Variants in ESR1 observed in about 807,000 individuals in gnomAD.
The protein encoded by ESR1 is estrogen receptor.
ESR1 carries 12 observed loss-of-function variants against 52.7 expected under a neutral mutation model. That is an observed-to-expected ratio of 0.23 (90% confidence interval 0.15 to 0.37). ESR1 has a LOEUF of 0.37. Among genes scored for constraint, ESR1 ranks in the 10% least tolerant of loss-of-function variants. ESR1 has a pLI of 1.00. For synonymous variants in ESR1, 305 were observed against 316.8 expected, an observed-to-expected ratio of 0.96 and a Z score of 0.39; for missense variants, 584 against 779.7, an observed-to-expected ratio of 0.75 and a Z score of 2.99.
chr6:151,875,444 T>C (rs1279357566), intron 2 of ESR1, among the ~76,000 whole-genome samples: 1 of 152,204 alleles, frequency 6.6e-6, no homozygotes, highest in Admixed American at 6.5e-5. Context: ...TGTTCAGATA[T>C]TGGATACTTG....
At chr6:151,672,028 T>C (rs965857023) in intron 1 of ESR1, among the ~76,000 whole-genome samples, 3 of 152,116 alleles carry the variant, frequency 2.0e-5, no homozygotes, top group African/African-American at 7.2e-5. Context: ...AGACAGGTTC[T>C]CCCTATGTTG....
chr6:151,917,003 G>A (rs1219980125), intron 3 of ESR1, among the ~76,000 whole-genome samples: 1 of 152,128 alleles, frequency 6.6e-6, no homozygotes, highest in Non-Finnish European at 1.5e-5. Flanking sequence ...TAGAATTGTT[G>A]TATGATGACT....
chr6:151,875,260 C>G (rs1014565100), intron 2 of ESR1, among the ~76,000 whole-genome samples: 2 of 152,126 alleles, frequency 1.3e-5, no homozygotes, highest in Non-Finnish European at 2.9e-5. Context: ...TAGAACCAAG[C>G]CTTGTTCTTG....
At chr6:151,670,454 G>C (rs936449025) in intron 1 of ESR1, among the ~76,000 whole-genome samples, 5 of 152,270 alleles carry the variant, frequency 3.3e-5, no homozygotes, top group African/African-American at 1.2e-4. Context: ...CCTCTTGCCT[G>C]GTCATCACAG....
rs1340123856 is a variant in ESR1 at position 152,053,206 on chromosome 6, C to T, written c.1236-7785C>T. Among the ~76,000 whole-genome samples, 2 of 152,038 alleles carry T rather than the reference C, an allele frequency of 1.3e-5. No homozygotes were observed. Among genetic ancestry groups the T allele is most frequent in the African/African-American group, 4.8e-5 (2 of 41,396 alleles). On this transcript the variant is annotated intron_variant, in intron 5 of 7. Coordinates refer to ENST00000206249, the MANE Select transcript of ESR1 (RefSeq NM_000125.4). The surrounding 1 kb of genome is among the most constrained non-coding windows in gnomAD (Gnocchi z 4.1). Reference sequence around the variant, plus strand: ...TCATTACTGTCTCCTTCCCTCCCTCCCTCAGTCCCTCCCTTAGTCTATCTC... The same window carrying T: ...TCATTACTGTCTCCTTCCCTCCCTCTCTCAGTCCCTCCCTTAGTCTATCTC...
At chr6:151,776,636 G>C (rs1786019965) in intron 2 of ESR1, among the ~76,000 whole-genome samples, 1 of 152,140 alleles carries the variant, frequency 6.6e-6, no homozygotes, top group South Asian at 2.1e-4. Context: ...TCAGGAGTTC[G>C]AGATCAGCCT....
intron 4 of ESR1, among the ~76,000 whole-genome samples, chr6:151,964,791 G>A (rs912924186): frequency 5.0e-4 from 76 of 151,996 alleles, no homozygotes; most frequent in Non-Finnish European, 5.2e-4. Context: ...ACAGGTGCCC[G>A]CCACCACGCC....
chr6:151,827,717 G>A (rs1349948575), intron 1 of ESR1, among the ~76,000 whole-genome samples: 1 of 152,122 alleles, frequency 6.6e-6, no homozygotes, highest in Admixed American at 6.5e-5. Flanking sequence ...AGTTTGTATT[G>A]ATTCGCACTT....
intron 2 of ESR1, among the ~76,000 whole-genome samples, chr6:151,767,143 G>A (rs1375102130): frequency 6.6e-6 from 1 of 151,936 alleles, no homozygotes; most frequent in Non-Finnish European, 1.5e-5. Context: ...TGTAGCAATT[G>A]CCCCAAATTC....
At chr6:151,985,905 G>A (rs1305201412) in intron 4 of ESR1, among the ~76,000 whole-genome samples, 2 of 152,086 alleles carry the variant, frequency 1.3e-5, no homozygotes, top group Non-Finnish European at 2.9e-5. Context: ...CTGACCTCAG[G>A]TGATCCACCT....
At chr6:151,918,468 C>T (rs1584220712) in intron 3 of ESR1, among the ~76,000 whole-genome samples, 3 of 152,150 alleles carry the variant, frequency 2.0e-5, no homozygotes, top group East Asian at 3.9e-4. Context: ...CCCCAAAGGA[C>T]TATAGTGTTA....
At chr6:151,800,909 G>A (rs1276349561), upstream of ESR1, among the ~76,000 whole-genome samples, 2 of 152,094 alleles carry the variant, frequency 1.3e-5, no homozygotes, top group Non-Finnish European at 2.9e-5. Context: ...GGAAGGTGCC[G>A]TGGTCACAAA....
rs572436382 is a variant in ESR1, at chr6:152,061,770, T to C, written c.1369+646T>C. ...TGTTTTTGTTTTTGTTTTGTTTTTG[T>C]TTTCAATGTAGTGAGGCTGGCTGTT... is the stretch of plus-strand genomic sequence containing the variant. On this transcript the variant is annotated intron_variant, in intron 6 of 7. Coordinates refer to ENST00000206249, the MANE Select transcript of ESR1 (RefSeq NM_000125.4). The surrounding 1 kb of genome is among the most constrained non-coding windows in gnomAD (Gnocchi z 4.3). Among the ~76,000 whole-genome samples the C allele has an allele frequency of 6.6e-6, 1 of 152,334 alleles. No individual in the cohort carries two copies.
At chr6:151,987,334 C>G (rs2040586063) in intron 4 of ESR1, among the ~76,000 whole-genome samples, 1 of 152,140 alleles carries the variant, frequency 6.6e-6, no homozygotes, top group South Asian at 2.1e-4. Flanking sequence ...TCTCCGCTCG[C>G]TGCAACCTCT....
At chr6:151,971,214 T>G (rs1463962161) in intron 4 of ESR1, among the ~76,000 whole-genome samples, 1 of 152,206 alleles carries the variant, frequency 6.6e-6, no homozygotes, top group East Asian at 1.9e-4. Context: ...TTCCCACAGG[T>G]TTTTGAGGAA....
At chr6:151,805,549 C>T (rs1329868283), upstream of ESR1, 2 of 152,772 alleles carry the variant, frequency 1.3e-5, no homozygotes, top group African/African-American at 4.8e-5. Flanking sequence ...GACAGCAAGT[C>T]TCCCCTCACT....
intron 1 of ESR1, among the ~76,000 whole-genome samples, chr6:151,681,460 C>G (rs1778458088): frequency 6.6e-6 from 1 of 151,258 alleles, no homozygotes; most frequent in South Asian, 2.1e-4. Flanking sequence ...GTCCCGTGCT[C>G]GTCAATTCTC....
intron 1 of ESR1, among the ~76,000 whole-genome samples, chr6:151,692,233 A>T (rs1197924205): frequency 1.3e-5 from 2 of 152,218 alleles, no homozygotes; most frequent in Non-Finnish European, 2.9e-5. Flanking sequence ...GCTAGCTACC[A>T]TCTACCTTCC....
chr6:151,975,658 C>A (rs185721856), intron 4 of ESR1, among the ~76,000 whole-genome samples: 7 of 152,174 alleles, frequency 4.6e-5, no homozygotes, highest in Admixed American at 3.3e-4. Flanking sequence ...TTGGATGAGG[C>A]CTACACACAT....
Sources: allele counts gnomAD v4.1 joint callset (sites outside exome capture counted in the v4.1 genomes callset), GRCh38; gene constraint gnomAD v4.1.1; non-coding constraint Gnocchi (gnomAD v3.1); transcripts MANE v1.5; gene names NCBI Gene and HGNC (gene_info 2026-07-23, HGNC 2026-07-21).